KIAA1217: variants seen among roughly 807,000 people sequenced by gnomAD.
KIAA1217 encodes the protein sickle tail protein homolog.
KIAA1217 carries 88 observed loss-of-function variants against 163.9 expected under a neutral mutation model. The ratio of observed to expected loss-of-function variants is 0.54; its 90% CI spans 0.45 to 0.64. The LOEUF (loss-of-function observed/expected upper bound fraction) is 0.64. Among genes scored for constraint, KIAA1217 ranks in the 30% least tolerant of loss-of-function variants. The pLI, the probability that KIAA1217 is intolerant of heterozygous loss-of-function variation, is 0.00. For synonymous variants in KIAA1217, 903 were observed against 923.1 expected, an observed-to-expected ratio of 0.98 and a Z score of 0.39; for missense variants, 2,372 against 2,475.0, an observed-to-expected ratio of 0.96 and a Z score of 0.88.
intron 5 of KIAA1217, among the ~76,000 whole-genome samples, chr10:24,469,233 C>T (rs981452445): frequency 2.0e-5 from 3 of 151,998 alleles, no homozygotes; most frequent in Non-Finnish European, 4.4e-5. Flanking sequence ...TCAAGCAATT[C>T]GTGTGCCTCA....
rs141850496 is a variant in KIAA1217 at position 24,091,579 on chromosome 10, A to G, written c.-171+84205A>G. On this transcript the variant is annotated intron_variant, in intron 2 of 18. Coordinates refer to the KIAA1217 transcript ENST00000376462. ...TTCATGAGCATGCTGCTTGTCCCCAACTCCTGTACCTACCCAGGTCCTGGT... is the reference window on the plus strand; with the variant it reads ...TTCATGAGCATGCTGCTTGTCCCCAGCTCCTGTACCTACCCAGGTCCTGGT... Among the ~76,000 whole-genome samples the G allele has an allele frequency of 5.9e-4, 90 of 151,668 alleles. 3 individuals carry two copies. The highest frequency in any genetic ancestry group is 2.1e-3 in the African/African-American group (86 of 41,094).
At chr10:24,280,655 A>C (rs535579772) in intron 2 of KIAA1217, among the ~76,000 whole-genome samples, 2 of 152,130 alleles carry the variant, frequency 1.3e-5, no homozygotes, top group East Asian at 3.9e-4. Context: ...ACTAAAAAAC[A>C]AAAAATTAGC....
chr10:24,004,395 T>G (rs1411832607), intron 1 of KIAA1217, among the ~76,000 whole-genome samples: 1 of 152,218 alleles, frequency 6.6e-6, no homozygotes, highest in Non-Finnish European at 1.5e-5. Flanking sequence ...ATTCATTCAT[T>G]ATAACAAAAT....
chr10:24,041,763 G>A (rs1313954792), intron 2 of KIAA1217, among the ~76,000 whole-genome samples: 2 of 152,182 alleles, frequency 1.3e-5, no homozygotes, highest in African/African-American at 4.8e-5. Flanking sequence ...ATGTGCTAAA[G>A]CAAGGAAATA....
chr10:23,770,924 C>T (rs1834767659), intron 1 of KIAA1217, among the ~76,000 whole-genome samples: 1 of 152,170 alleles, frequency 6.6e-6, no homozygotes, highest in African/African-American at 2.4e-5. Context: ...GTTTGAGGTA[C>T]TCCCTTAATG....
chr10:23,915,754 G>T (rs540707939), intron 1 of KIAA1217, among the ~76,000 whole-genome samples: 58 of 152,298 alleles, frequency 3.8e-4, no homozygotes, highest in African/African-American at 1.4e-3. Flanking sequence ...TGCAAGACTG[G>T]CAGGAAGGCA....
At chr10:23,982,529 TTCTCTC>T (rs59075123) in intron 1 of KIAA1217, among the ~76,000 whole-genome samples, 2,936 of 73,570 alleles carry the variant, frequency 0.04, 66 homozygotes, top group Middle Eastern at 0.066. Context: ...TGTTTTTTGT[TTCTCTC>T]TCTCTCTCTC....
intron 2 of KIAA1217, among the ~76,000 whole-genome samples, chr10:24,104,780 G>A (rs1006349398): frequency 2.0e-5 from 3 of 152,114 alleles, no homozygotes; most frequent in African/African-American, 7.2e-5. Flanking sequence ...GTGACTTTCT[G>A]GATTTTCTGC....
chr10:24,264,760 GGTCTTT>G (rs2076047230), intron 2 of KIAA1217, among the ~76,000 whole-genome samples: 1 of 109,462 alleles, frequency 9.1e-6, no homozygotes, highest in Non-Finnish European at 1.8e-5. Flanking sequence ...GTGGTCGGTC[GGTCTTT>G]CTCTCTCTCT....
At chr10:24,232,960 AAAG>A (rs2071648756) in intron 2 of KIAA1217, among the ~76,000 whole-genome samples, 1 of 149,694 alleles carries the variant, frequency 6.7e-6, no homozygotes, top group East Asian at 2.0e-4. Flanking sequence ...AAAAAAAAAA[AAAG>A]AATAAAGAAA....
intron 1 of KIAA1217, among the ~76,000 whole-genome samples, chr10:23,985,728 G>A (rs1199664597): frequency 6.6e-6 from 1 of 152,134 alleles, no homozygotes; most frequent in African/African-American, 2.4e-5. Context: ...GGTTTCCTTG[G>A]CTCCAGGTTG....
intron 2 of KIAA1217, among the ~76,000 whole-genome samples, chr10:24,361,782 G>A (rs1010981439): frequency 2.0e-5 from 3 of 151,708 alleles, no homozygotes; most frequent in African/African-American, 7.3e-5. Flanking sequence ...GAGACCATCC[G>A]GGCTAACATG....
intron 2 of KIAA1217, among the ~76,000 whole-genome samples, chr10:24,020,155 A>ATGAAAAAC (rs1451270049): frequency 6.6e-6 from 1 of 152,156 alleles, no homozygotes; most frequent in Non-Finnish European, 1.5e-5. Flanking sequence ...GCATTTATTT[A>ATGAAAAAC]TGAAAAACTT....
intron 2 of KIAA1217, among the ~76,000 whole-genome samples, chr10:24,129,845 CTTA>C (rs2063590012): frequency 6.6e-6 from 1 of 151,834 alleles, no homozygotes; most frequent in Non-Finnish European, 1.5e-5. Flanking sequence ...ATTCCATTGA[CTTA>C]TTATTATTTT....
chr10:24,060,285 T>A (rs529027281), intron 2 of KIAA1217, among the ~76,000 whole-genome samples: 1 of 152,340 alleles, frequency 6.6e-6, no homozygotes, highest in South Asian at 2.1e-4. Flanking sequence ...CTCTTAGCAC[T>A]GTTTTTGCTG....
chr10:24,166,747 T>C (rs1196849339), intron 2 of KIAA1217, among the ~76,000 whole-genome samples: 1 of 152,040 alleles, frequency 6.6e-6, no homozygotes, highest in Non-Finnish European at 1.5e-5. Flanking sequence ...TAAAAAGTTT[T>C]AAAAAGCTAG....
chr10:24,043,291 T>G (rs1848747743), intron 2 of KIAA1217, among the ~76,000 whole-genome samples: 1 of 152,202 alleles, frequency 6.6e-6, no homozygotes, highest in African/African-American at 2.4e-5. Context: ...CCCTGTGATT[T>G]TATAGTAAGA....
chr10:24,534,499 A>G (rs2073657629), intron 16 of KIAA1217, among the ~76,000 whole-genome samples: 6 of 152,154 alleles, frequency 3.9e-5, no homozygotes, highest in Admixed American at 3.9e-4. Context: ...ACTCTTCTCC[A>G]TTGAAGTCTA....
chr10:24,510,642 C>T (rs2068974747), intron 9 of KIAA1217, among the ~76,000 whole-genome samples: 1 of 152,122 alleles, frequency 6.6e-6, no homozygotes, highest in Non-Finnish European at 1.5e-5. Flanking sequence ...TCACTCATTC[C>T]CGCCCCCTTC....
Sources: gnomAD v4.1 joint callset for allele counts (sites outside exome capture counted in the v4.1 genomes callset) on GRCh38, gnomAD v4.1.1 for gene constraint, MANE v1.5 for transcripts, NCBI Gene and HGNC (gene_info 2026-07-23, HGNC 2026-07-21) for gene names.